The following ATF1 variants were observed in gnomAD, a reference collection of about 807,000 sequenced individuals.
ATF1 encodes cyclic AMP-dependent transcription factor ATF-1.
ATF1 carries 16 observed loss-of-function variants against 34.7 expected under a neutral mutation model. That is an observed-to-expected ratio of 0.46 (90% CI 0.31 to 0.70). ATF1 has a LOEUF of 0.70. ATF1 is among the 30% of genes least tolerant of loss of function. The pLI is 0.05. For missense variants in ATF1, 255 were observed against 321.6 expected, an observed-to-expected ratio of 0.79 and a Z score of 1.58; for synonymous variants, 105 against 113.1, an observed-to-expected ratio of 0.93 and a Z score of 0.46.
At chr12:50,766,078 C>G (rs1940627223) in intron 1 of ATF1, among the ~76,000 whole-genome samples, 1 of 152,140 alleles carries the variant, frequency 6.6e-6, no homozygotes, top group African/African-American at 2.4e-5. Context: ...GGACGCCTGT[C>G]CTGTAACATA....
chr12:50,796,180 A>G (rs1056430455), intron 3 of ATF1, among the ~76,000 whole-genome samples, 171 bp downstream of exon 3: 5 of 152,224 alleles, frequency 3.3e-5, no homozygotes, highest in Non-Finnish European at 7.3e-5. Context: ...GGATTGCTTG[A>G]GCCCAGGAGT....
Position 50,807,813 on chromosome 12 carries a change from G to GT in ATF1, c.195-1627dup, listed in dbSNP as rs59464118. On this transcript the variant is annotated intron_variant, in intron 3 of 6. Coordinates refer to ENST00000262053, the MANE Select transcript of ATF1 (RefSeq NM_005171.5). ...CCAATTGTGTGTGTGTTTTTTTTTTGTTTTTTTTTTTTTTTTGAGAGAGTC... is the reference window on the plus strand; with the variant it reads ...CCAATTGTGTGTGTGTTTTTTTTTTGTTTTTTTTTTTTTTTTTGAGAGAGTC... Among the ~76,000 whole-genome samples the GT allele has an allele frequency of 7.6e-4, 95 of 125,794 alleles. 1 individual carries two copies. Among genetic ancestry groups the GT allele is most frequent in the East Asian group, 3.0e-3 (13 of 4,300 alleles). The allele number at this position is 125,794 out of a possible 152,430, so 82.5% of individuals were successfully genotyped here.
At chr12:50,799,661 A>T (rs1320275620) in intron 3 of ATF1, among the ~76,000 whole-genome samples, 1 of 152,200 alleles carries the variant, frequency 6.6e-6, no homozygotes, top group Non-Finnish European at 1.5e-5. Flanking sequence ...CTCGGCCAAA[A>T]ATAGAGCATA....
chr12:50,819,138 A>C (rs1289195140), intron 6 of ATF1, among the ~76,000 whole-genome samples: 1 of 152,262 alleles, frequency 6.6e-6, no homozygotes. Flanking sequence ...ATGCCTATGC[A>C]GCTAACCCTA....
chr12:50,772,558 T>C (rs1940801735), intron 1 of ATF1, among the ~76,000 whole-genome samples: 2 of 152,140 alleles, frequency 1.3e-5, no homozygotes, highest in African/African-American at 4.8e-5. Flanking sequence ...ACTCCTGACC[T>C]CAAGTGATCC....
At chr12:50,816,078 T>C (rs964066854) in intron 6 of ATF1, among the ~76,000 whole-genome samples, 1 of 152,180 alleles carries the variant, frequency 6.6e-6, no homozygotes, top group African/African-American at 2.4e-5. Flanking sequence ...CTTATGCCTG[T>C]AATCCCAGCA....
chr12:50,787,941 T>G (rs1565906960), intron 2 of ATF1, among the ~76,000 whole-genome samples: 1 of 152,112 alleles, frequency 6.6e-6, no homozygotes, highest in Non-Finnish European at 1.5e-5. Flanking sequence ...ATAGGTGTAG[T>G]GTGATCAAAG....
intron 1 of ATF1, among the ~76,000 whole-genome samples, chr12:50,777,780 CAA>C (rs34713526): frequency 6.9e-6 from 1 of 144,982 alleles, no homozygotes; most frequent in African/African-American, 2.6e-5. Context: ...GACCCTGTCT[CAA>C]AAAAAAAAAA....
chr12:50,767,187 C>T (rs1017387689), intron 1 of ATF1, among the ~76,000 whole-genome samples: 3 of 151,688 alleles, frequency 2.0e-5, no homozygotes, highest in Admixed American at 1.3e-4. Flanking sequence ...TTTCTGGCTT[C>T]TCTCTCACTG....
chr12:50,800,277 C>T (rs1181452030), intron 3 of ATF1, among the ~76,000 whole-genome samples: 2 of 152,180 alleles, frequency 1.3e-5, no homozygotes, highest in African/African-American at 4.8e-5. Context: ...TGAAAACATC[C>T]TTCAGACTTG....
intron 6 of ATF1, 111 bp downstream of exon 6, chr12:50,814,550 A>G (rs1290258546): frequency 2.3e-5 from 27 of 1,179,824 alleles, no homozygotes; most frequent in Non-Finnish European, 2.8e-5. Flanking sequence ...ACAATGTTTA[A>G]GTAAACAATG....
At chr12:50,798,606 G>C (rs1941457221) in intron 3 of ATF1, among the ~76,000 whole-genome samples, 1 of 152,094 alleles carries the variant, frequency 6.6e-6, no homozygotes, top group African/African-American at 2.4e-5. Context: ...ACCATGCCCA[G>C]CCTGAACCTG....
At chr12:50,808,090 G>A (rs1372911803) in intron 3 of ATF1, among the ~76,000 whole-genome samples, 2 of 152,082 alleles carry the variant, frequency 1.3e-5, no homozygotes, top group African/African-American at 4.8e-5. Flanking sequence ...GATTATAGGC[G>A]TCAGCCACTG....
Position 50,813,997 on chromosome 12 carries a change from T to C in ATF1, c.329-13T>C. ...ATAACCTTACAATAGCTATTTTCTC[T>C]TTTTGATTAAAGTTGCCATTGCCCC... On this transcript the variant is annotated splice_polypyrimidine_tract_variant and intron_variant, in intron 4 of 6. Transcript: ENST00000262053. 2 of 1,606,222 alleles carry C rather than the reference T, an allele frequency of 1.2e-6. No homozygotes were observed. The highest frequency in any genetic ancestry group is 1.7e-6 in the Non-Finnish European group (2 of 1,177,004).
chr12:50,781,110 C>A (rs955491980), intron 2 of ATF1, among the ~76,000 whole-genome samples: 1 of 152,120 alleles, frequency 6.6e-6, no homozygotes, highest in Non-Finnish European at 1.5e-5. Context: ...AGTCATCTCT[C>A]AGTATCTGTG....
At chr12:50,777,747 C>T (rs1281405316) in intron 1 of ATF1, among the ~76,000 whole-genome samples, 1 of 150,276 alleles carries the variant, frequency 6.7e-6, no homozygotes, top group Non-Finnish European at 1.5e-5. Flanking sequence ...CACCACTACA[C>T]TCCAGCCTGG....
At chr12:50,812,324 T>C (rs1208785671) in intron 4 of ATF1, among the ~76,000 whole-genome samples, 3 of 152,324 alleles carry the variant, frequency 2.0e-5, no homozygotes, top group East Asian at 3.9e-4. Flanking sequence ...TATATAAGTC[T>C]GTATAAGCAC....
chr12:50,813,631 T>C (rs865489), intron 4 of ATF1, among the ~76,000 whole-genome samples: 40,053 of 151,930 alleles, frequency 0.26, 5,784 homozygotes, highest in Non-Finnish European at 0.32. Context: ...CTGGCCAACA[T>C]GGAGAAGCTC....
chr12:50,796,892 A>C (rs984671248), intron 3 of ATF1, among the ~76,000 whole-genome samples: 2 of 152,312 alleles, frequency 1.3e-5, no homozygotes, highest in African/African-American at 4.8e-5. Flanking sequence ...AGGCTACAAA[A>C]AAATAAATAA....
Sources: gnomAD v4.1 joint callset for allele counts (sites outside exome capture counted in the v4.1 genomes callset) on GRCh38, gnomAD v4.1.1 for gene constraint, MANE v1.5 for transcripts, NCBI Gene and HGNC (gene_info 2026-07-23, HGNC 2026-07-21) for gene names.